LGR6: variants seen among roughly 807,000 people sequenced by gnomAD.
The protein encoded by LGR6 is leucine-rich repeat-containing G protein-coupled receptor 6.
A neutral mutation model predicts 69.4 loss-of-function variants in LGR6; 45 were observed. That is an observed-to-expected ratio of 0.65 (90% CI 0.51 to 0.83). LGR6 has a LOEUF of 0.83. Among genes scored for constraint, LGR6 ranks in the 40% least tolerant of loss-of-function variants. The pLI is 0.00. For missense variants in LGR6, 1,108 were observed against 1,246.7 expected, an observed-to-expected ratio of 0.89 and a Z score of 1.68; for synonymous variants, 538 against 555.0, an observed-to-expected ratio of 0.97 and a Z score of 0.43.
rs765690474 is a variant in LGR6, at chr1:202,318,171, C to G, written c.1868C>G (p.Ala623Gly). 6 of 1,613,644 alleles carry G rather than the reference C, an allele frequency of 3.7e-6. No individual in the cohort carries two copies. Among genetic ancestry groups the G allele is most frequent in the Non-Finnish European group, 5.1e-6 (6 of 1,180,020 alleles). ...ISCGLLASVD[A>G]LTFGQFSEYG... The stretch of plus-strand genomic sequence containing the variant: ...TGTGGCCTTCTAGCCTCAGTCGATG[C>G]CCTGACCTTTGGTCAGTTCTCTGAG... The change falls in exon 18 of 18, where the codon GCC becomes GGC. Residue 623 changes from alanine to glycine, a missense_variant. Physicochemically the swap from Ala to Gly is moderately conservative, Grantham distance 60 (BLOSUM62 0). Transcript: ENST00000367278.
chr1:202,310,419 G>T, intron 16 of LGR6, 62 bp downstream of exon 16: 1 of 1,512,224 alleles, frequency 6.6e-7, no homozygotes. Context: ...AGTTAGAGGG[G>T]ATGCTTGGGG....
intron 4 of LGR6, among the ~76,000 whole-genome samples, chr1:202,248,796 A>G (rs1662977975): frequency 6.6e-6 from 1 of 152,128 alleles, no homozygotes; most frequent in Admixed American, 6.5e-5. Context: ...CATGTTTCCT[A>G]GAAGAATTCC....
chr1:202,291,275 C>T (rs1203401680), intron 6 of LGR6, among the ~76,000 whole-genome samples: 1 of 152,208 alleles, frequency 6.6e-6, no homozygotes, highest in African/African-American at 2.4e-5. Context: ...ACAATGAACT[C>T]TTCCTGGGCT....
intron 16 of LGR6, among the ~76,000 whole-genome samples, chr1:202,311,634 C>T (rs1472816886): frequency 6.6e-6 from 1 of 152,146 alleles, no homozygotes; most frequent in Non-Finnish European, 1.5e-5. Flanking sequence ...CAAACTCCAG[C>T]CTGGGTGACA....
In LGR6 at chr1:202,268,272, G is replaced by T. The variant is rs1490836574; in HGVS notation, c.429-8034G>T. Reference sequence around the variant, plus strand: ...CGGCTGGTGCTGGTGTGGGAGGCTGGGCCCTGCCGCCTATGGAAGGCCCAA... The same window carrying T: ...CGGCTGGTGCTGGTGTGGGAGGCTGTGCCCTGCCGCCTATGGAAGGCCCAA... On this transcript the variant is annotated intron_variant, in intron 4 of 17. Transcript: ENST00000367278. This position sits in a 1 kb window ranked among gnomAD's most constrained non-coding sequence, Gnocchi z 4.4. Among the ~76,000 whole-genome samples, 1 of 152,182 alleles carries T rather than the reference G, an allele frequency of 6.6e-6. No individual in the cohort carries two copies. Among genetic ancestry groups the T allele is most frequent in the Non-Finnish European group, 1.5e-5 (1 of 68,024 alleles).
At chr1:202,235,554 C>A (rs1024197472) in intron 3 of LGR6, among the ~76,000 whole-genome samples, 6 of 152,200 alleles carry the variant, frequency 3.9e-5, no homozygotes, top group African/African-American at 1.4e-4. Flanking sequence ...AAACTGACAA[C>A]CTACATTTTC....
chr1:202,298,531 T>TTC (rs1667339185), intron 7 of LGR6: 1 of 151,630 alleles, frequency 6.6e-6, no homozygotes, highest in African/African-American at 2.4e-5. Flanking sequence ...TATCTATTTT[T>TTC]TTTTTTTTTG....
At chr1:202,227,870 C>A in intron 2 of LGR6, 66 bp from the exon 3 acceptor site, 1 of 1,109,732 alleles carries the variant, frequency 9.0e-7, no homozygotes, top group Non-Finnish European at 1.4e-6. Flanking sequence ...AAGACACTTT[C>A]TTATGGAGGT....
chr1:202,305,118 C>T (rs752928754), intron 11 of LGR6, among the ~76,000 whole-genome samples: 18 of 152,084 alleles, frequency 1.2e-4, no homozygotes, highest in African/African-American at 4.1e-4. Context: ...GGTGGACCAA[C>T]GCATAGTGTG....
chr1:202,238,352 T>C (rs976360595), intron 4 of LGR6, among the ~76,000 whole-genome samples: 4 of 149,822 alleles, frequency 2.7e-5, no homozygotes, highest in Non-Finnish European at 4.4e-5. Flanking sequence ...TCCACCTACC[T>C]TGGTCTCCCC....
chr1:202,200,115 C>A (rs1165524340), intron 1 of LGR6, among the ~76,000 whole-genome samples: 2 of 152,290 alleles, frequency 1.3e-5, no homozygotes, highest in East Asian at 1.9e-4. Context: ...GGGAAACAGG[C>A]CTTTCAAGCA....
At chr1:202,314,992 T>A (rs1008135720) in intron 17 of LGR6, 110 bp downstream of exon 17, 3 of 767,850 alleles carry the variant, frequency 3.9e-6, no homozygotes, top group African/African-American at 3.4e-5. Flanking sequence ...ATTCTTTGCC[T>A]GACTCCCAGC....
At chr1:202,225,353 G>T in intron 1 of LGR6, 70 bp from the exon 2 acceptor site, 1 of 1,427,200 alleles carries the variant, frequency 7.0e-7, no homozygotes, top group Non-Finnish European at 9.9e-7. Flanking sequence ...GAGGGGGGTT[G>T]GCACCTGGAC....
intron 4 of LGR6, among the ~76,000 whole-genome samples, chr1:202,256,413 T>G (rs1663778736): frequency 6.6e-6 from 1 of 152,110 alleles, no homozygotes; most frequent in South Asian, 2.1e-4. Flanking sequence ...CTGGCTAATT[T>G]TTGTATTTTA....
At chr1:202,236,277 G>C (rs1344730077) in intron 4 of LGR6, 1 of 450,736 alleles carries the variant, frequency 2.2e-6, no homozygotes, top group Non-Finnish European at 4.0e-6. Context: ...CCAGGCCAGC[G>C]GTCCTGGGGC....
intron 5 of LGR6, among the ~76,000 whole-genome samples, chr1:202,278,782 G>C (rs1665786599): frequency 6.6e-6 from 1 of 152,172 alleles, no homozygotes; most frequent in Admixed American, 6.5e-5. Context: ...AGGCAAGCAG[G>C]GTGGAGGAGA....
At chr1:202,303,824 G>A (rs761246165) in intron 10 of LGR6, among the ~76,000 whole-genome samples, 5 of 152,206 alleles carry the variant, frequency 3.3e-5, no homozygotes, top group Non-Finnish European at 2.9e-5. Flanking sequence ...CACCCAGAAT[G>A]AGTGTCAGGA....
chr1:202,213,377 C>A (rs907168520), intron 1 of LGR6, among the ~76,000 whole-genome samples: 1 of 152,142 alleles, frequency 6.6e-6, no homozygotes, highest in African/African-American at 2.4e-5. Flanking sequence ...GAGTCCAGCC[C>A]TTTGCCTTTC....
chr1:202,215,799 C>T (rs984953840), intron 1 of LGR6, among the ~76,000 whole-genome samples: 1 of 152,162 alleles, frequency 6.6e-6, no homozygotes, highest in Admixed American at 6.6e-5. Flanking sequence ...TGGAGGAGCT[C>T]CCAGCCTGTC....
Sources: gnomAD v4.1 joint callset for allele counts (sites outside exome capture counted in the v4.1 genomes callset) on GRCh38, gnomAD v4.1.1 for gene constraint, Gnocchi (gnomAD v3.1) non-coding constraint, MANE v1.5 for transcripts, NCBI Gene and HGNC (gene_info 2026-07-23, HGNC 2026-07-21) for gene names.